Variants in ALMS1 observed in about 807,000 individuals in gnomAD.
ALMS1 encodes the protein ALMS1 centrosome and basal body associated protein, also known as centrosome-associated protein ALMS1.
ALMS1 carries 271 observed loss-of-function variants against 352.2 expected under a neutral mutation model. The observed-to-expected ratio is 0.77, with a 90% confidence interval of 0.70 to 0.85. The LOEUF is 0.85. Ranked by LOEUF, ALMS1 falls within the 40% of genes least tolerant of loss-of-function variation. The pLI, the probability that ALMS1 is intolerant of heterozygous loss-of-function variation, is 0.00. For missense variants in ALMS1, 5,445 were observed against 4,870.7 expected (o/e 1.12, Z -3.51); for synonymous variants, 1,865 against 1,761.2 (o/e 1.06, Z -1.48).
chr2:73,584,483 A>T (rs1675264865), intron 16 of ALMS1, among the ~76,000 whole-genome samples: 1 of 152,178 alleles, frequency 6.6e-6, no homozygotes, highest in Admixed American at 6.5e-5. Flanking sequence ...GTTCTTGCAA[A>T]TTTGAGACTA....
intron 10 of ALMS1, among the ~76,000 whole-genome samples, chr2:73,501,768 TC>T (rs1275487634): frequency 6.6e-6 from 1 of 152,126 alleles, no homozygotes; most frequent in Admixed American, 6.5e-5. Flanking sequence ...TTTTGCTATT[TC>T]AAGTCCTTTG....
chr2:73,433,846 G>A (rs944981289), intron 7 of ALMS1, among the ~76,000 whole-genome samples: 23 of 152,072 alleles, frequency 1.5e-4, no homozygotes, highest in Non-Finnish European at 5.9e-5. Context: ...TGCAATTTGT[G>A]TCTTAAATAG....
Position 73,573,050 on chromosome 2 carries a change from C to T in ALMS1, c.11173C>T (p.Pro3725Ser). Residue 3725 changes from proline to serine, a missense_variant, in exon 16 of 23, where the codon CCA (proline) becomes TCA (serine). Coordinates refer to ENST00000613296, the MANE Select transcript of ALMS1 (RefSeq NM_001378454.1). The part of the protein sequence containing the change: ...KFDKYILSKQ[P>S]GFNYISNTSS... Reference sequence around the variant, plus strand: ...TGATAAATATATTCTGAGTAAACAGCCAGGTTTTAATTATATAAGCAACAC... The same window carrying T: ...TGATAAATATATTCTGAGTAAACAGTCAGGTTTTAATTATATAAGCAACAC... The T allele has an allele frequency of 1.2e-6, 2 of 1,613,898 alleles. No homozygotes were observed. The highest frequency in any genetic ancestry group is 2.2e-5 in the South Asian group (2 of 91,068).
Position 73,449,992 on chromosome 2 carries a change from C to A in ALMS1, c.3465C>A (p.His1155Gln). ...SQHREKPSIF[H>Q]QQALPGTHIP... The stretch of plus-strand genomic sequence containing the variant: ...ATAGAGAAAAGCCCAGCATTTTCCA[C>A]CAGCAGGCCTTGCCAGGTACTCATA... The change falls in exon 8 of 23, where the codon CAC becomes CAA. Residue 1155 changes from histidine to glutamine, a missense_variant. Physicochemically the swap from His to Gln is conservative, Grantham distance 24. Coordinates refer to ENST00000613296, the MANE Select transcript of ALMS1 (RefSeq NM_001378454.1). The A allele has an allele frequency of 1.2e-6, 2 of 1,613,908 alleles. No homozygotes were observed. The highest frequency in any genetic ancestry group is 1.7e-6 in the Non-Finnish European group (2 of 1,179,942).
chr2:73,395,394 T>C (rs958609384), intron 1 of ALMS1, among the ~76,000 whole-genome samples: 1 of 152,108 alleles, frequency 6.6e-6, no homozygotes, highest in Admixed American at 6.6e-5. Context: ...TATAATCTTA[T>C]AGGACCACCA....
chr2:73,407,205 CTCT>C (rs1670989742), intron 1 of ALMS1, among the ~76,000 whole-genome samples: 1 of 152,122 alleles, frequency 6.6e-6, no homozygotes, highest in African/African-American at 2.4e-5. Flanking sequence ...GTCTCTCTTC[CTCT>C]TCTTATAAAG....
At chr2:73,482,086 T>C (rs1295380429) in intron 9 of ALMS1, among the ~76,000 whole-genome samples, 5 of 152,212 alleles carry the variant, frequency 3.3e-5, no homozygotes, top group African/African-American at 7.2e-5. Context: ...TCCTGCCTAA[T>C]TGCCCTGGCC....
At chr2:73,430,788 A>G (rs1047623752) in intron 6 of ALMS1, among the ~76,000 whole-genome samples, 2 of 152,202 alleles carry the variant, frequency 1.3e-5, no homozygotes, top group Admixed American at 1.3e-4. Flanking sequence ...AGGTTTGTGT[A>G]AGTCACTCTG....
rs1385829663 is a variant in ALMS1, at chr2:73,573,028, T to A, written c.11151T>A (p.Asp3717Glu). 1 of 1,614,074 alleles carries A rather than the reference T, an allele frequency of 6.2e-7. No homozygotes were observed. The part of the protein sequence containing the change: ...NQIKIEQIKF[D>E]KYILSKQPGF... ...TTAAAATTGAACAGATTAAATTTGA[T>A]AAATATATTCTGAGTAAACAGCCAG... Residue 3717 changes from aspartate to glutamate, a missense_variant, in exon 16 of 23, where the codon GAT becomes GAA. Coordinates refer to ENST00000613296, the MANE Select transcript of ALMS1 (RefSeq NM_001378454.1).
chr2:73,601,758 CAT>C (rs1675695185), intron 19 of ALMS1, among the ~76,000 whole-genome samples: 1 of 152,210 alleles, frequency 6.6e-6, no homozygotes, highest in Non-Finnish European at 1.5e-5. Flanking sequence ...TGTGCGGCCT[CAT>C]GTGTGTTCCT....
chr2:73,539,838 A>G (rs1336669774), intron 12 of ALMS1, among the ~76,000 whole-genome samples: 1 of 152,204 alleles, frequency 6.6e-6, no homozygotes, highest in East Asian at 1.9e-4. Context: ...AAGAATAAAA[A>G]GAAACAAAGC....
chr2:73,550,153 C>A, intron 12 of ALMS1, 114 bp from the exon 13 acceptor site: 1 of 1,096,408 alleles, frequency 9.1e-7, no homozygotes, highest in Non-Finnish European at 1.3e-6. Flanking sequence ...AGCCATCGTG[C>A]CTGGCCTGTA....
At chr2:73,546,470 A>G (rs1221390155) in intron 12 of ALMS1, among the ~76,000 whole-genome samples, 6 of 152,220 alleles carry the variant, frequency 3.9e-5, no homozygotes, top group Non-Finnish European at 8.8e-5. Context: ...TAGGTGTTAC[A>G]ATTTCAGTAT....
chr2:73,542,733 G>A (rs1205145542), intron 12 of ALMS1, among the ~76,000 whole-genome samples: 1 of 151,994 alleles, frequency 6.6e-6, no homozygotes, highest in East Asian at 1.9e-4. Context: ...GACAAACCGA[G>A]AGCCAAATCA....
In ALMS1 at chr2:73,448,895, G is replaced by A; in HGVS notation, c.2368G>A (p.Val790Ile). 6.2e-7 allele frequency: 1 copy of A among 1,614,116 alleles called. No individual in the cohort carries two copies. Among genetic ancestry groups the A allele is most frequent in the African/African-American group, 1.3e-5 (1 of 75,036 alleles). ...DSHLPEEGLK[V>I]SAVAGPADQK... ...TCATCTACCTGAAGAGGGTCTGAAA[G>A]TTTCAGCTGTTGCTGGACCAGCTGA... Residue 790 changes from valine (V) to isoleucine (I), a missense_variant, in exon 8 of 23, where the codon GTT becomes ATT. Transcript: ENST00000613296.
At chr2:73,508,675 T>G (rs992618928) in intron 10 of ALMS1, among the ~76,000 whole-genome samples, 3 of 152,162 alleles carry the variant, frequency 2.0e-5, no homozygotes, top group African/African-American at 7.2e-5. Flanking sequence ...TTCTGTTGAT[T>G]TGGGGTGTAG....
intron 12 of ALMS1, among the ~76,000 whole-genome samples, chr2:73,535,453 G>A (rs1316184114): frequency 1.3e-5 from 2 of 152,102 alleles, no homozygotes; most frequent in Non-Finnish European, 2.9e-5. Context: ...TGGACACTGT[G>A]CAACTTCCCA....
chr2:73,389,282 G>T (rs953127098), intron 1 of ALMS1, among the ~76,000 whole-genome samples: 7 of 151,978 alleles, frequency 4.6e-5, no homozygotes, highest in Admixed American at 3.9e-4. Flanking sequence ...TTTTAGTGGG[G>T]TTATTTGTTT....
chr2:73,423,970 G>A (rs1401487410), intron 4 of ALMS1, among the ~76,000 whole-genome samples: 3 of 152,022 alleles, frequency 2.0e-5, no homozygotes, highest in Admixed American at 1.3e-4. Flanking sequence ...TAGAGATAGG[G>A]TCTTGCCGTA....
Sources: gnomAD v4.1 joint callset for allele counts (sites outside exome capture counted in the v4.1 genomes callset) on GRCh38, gnomAD v4.1.1 for gene constraint, MANE v1.5 for transcripts, NCBI Gene and HGNC (gene_info 2026-07-23, HGNC 2026-07-21) for gene names.